Variants in LOC128462377 observed in about 807,000 individuals in gnomAD.
the LOC128462377 span, among the ~76,000 whole-genome samples, chr16:89,402,807 C>A: frequency 1.6e-5 from 1 of 62,892 alleles, no homozygotes; most frequent in African/African-American, 6.8e-5. Context: ...GGGGGTTCTG[C>A]GGAATGAGGT....
At chr16:89,398,097 A>G in the LOC128462377 span, among the ~76,000 whole-genome samples, 1,874 of 150,126 alleles carry the variant, frequency 0.012, 47 homozygotes, top group African/African-American at 0.045. Context: ...GATTACCTGT[A>G]ACCTCAGCGC....
the LOC128462377 span, among the ~76,000 whole-genome samples, chr16:89,386,488 C>G: frequency 1.3e-5 from 2 of 152,154 alleles, no homozygotes; most frequent in African/African-American, 4.8e-5. Context: ...GAGGATAGAA[C>G]CCGGCACACA....
chr16:89,407,852 C>CA, the LOC128462377 span, among the ~76,000 whole-genome samples: 1,895 of 111,298 alleles, frequency 0.017, 30 homozygotes, highest in South Asian at 0.04. Flanking sequence ...TGTCTCCCTC[C>CA]AAAAAAAAAA....
the LOC128462377 span, among the ~76,000 whole-genome samples, chr16:89,345,937 G>A: frequency 2.0e-5 from 3 of 152,140 alleles, no homozygotes; most frequent in South Asian, 2.1e-4. Flanking sequence ...AAGCCTCTGA[G>A]TAAAGAACAA....
At chr16:89,398,734 A>G in the LOC128462377 span, among the ~76,000 whole-genome samples, 1 of 151,710 alleles carries the variant, frequency 6.6e-6, no homozygotes, top group African/African-American at 2.4e-5. Context: ...ACAGAGAGAG[A>G]TTGTGTGTCC....
chr16:89,340,438 C>T, the LOC128462377 span, among the ~76,000 whole-genome samples: 42 of 152,284 alleles, frequency 2.8e-4, no homozygotes, highest in Non-Finnish European at 5.0e-4. Flanking sequence ...CCATGCCTGG[C>T]TAGTTTTTGT....
chr16:89,324,154 A>C, the LOC128462377 span: 2 of 1,026,982 alleles, frequency 1.9e-6, no homozygotes, highest in South Asian at 3.3e-5. Flanking sequence ...CCCTGTTTCC[A>C]CTCACATTTT....
At chr16:89,398,204 C>A in the LOC128462377 span, among the ~76,000 whole-genome samples, 1,020 of 79,740 alleles carry the variant, frequency 0.013, no homozygotes, top group African/African-American at 0.051. Context: ...TGTGAAACAG[C>A]TGAAGATTAC....
the LOC128462377 span, among the ~76,000 whole-genome samples, chr16:89,326,783 A>G: frequency 6.6e-6 from 1 of 152,164 alleles, no homozygotes; most frequent in Non-Finnish European, 1.5e-5. Flanking sequence ...CAACCGGGGC[A>G]TGAAAAAGTG....
the LOC128462377 span, among the ~76,000 whole-genome samples, chr16:89,401,162 C>T: frequency 4.6e-5 from 6 of 130,278 alleles, no homozygotes; most frequent in East Asian, 8.1e-4. Context: ...GGTGTGATCT[C>T]GACTCATTGC....
At chr16:89,368,882 G>A in the LOC128462377 span, among the ~76,000 whole-genome samples, 1 of 152,130 alleles carries the variant, frequency 6.6e-6, no homozygotes, top group African/African-American at 2.4e-5. Flanking sequence ...TCTAGGGGAG[G>A]AGAAAGACTC....
the LOC128462377 span, among the ~76,000 whole-genome samples, chr16:89,389,150 C>A: frequency 6.6e-6 from 1 of 151,930 alleles, no homozygotes; most frequent in African/African-American, 2.4e-5. Flanking sequence ...TTCTGAGTGG[C>A]TGGGATGACA....
chr16:89,338,402 C>T, the LOC128462377 span, among the ~76,000 whole-genome samples: 68 of 148,596 alleles, frequency 4.6e-4, no homozygotes, highest in Admixed American at 1.4e-3. Flanking sequence ...AGTGGAAATC[C>T]TGTACTTAAC....
chr16:89,385,553 C>T, the LOC128462377 span, among the ~76,000 whole-genome samples: 128 of 152,224 alleles, frequency 8.4e-4, no homozygotes, highest in African/African-American at 2.9e-3. Context: ...TCAAGCTGCT[C>T]CCTACCAATT....
At chr16:89,396,963 T>TA in the LOC128462377 span, among the ~76,000 whole-genome samples, 1 of 150,556 alleles carries the variant, frequency 6.6e-6, no homozygotes, top group Non-Finnish European at 1.5e-5. Flanking sequence ...CTGGTGGGAT[T>TA]ATAGGCATGA....
At chr16:89,369,861 G>T in the LOC128462377 span, among the ~76,000 whole-genome samples, 1 of 152,198 alleles carries the variant, frequency 6.6e-6, no homozygotes, top group Non-Finnish European at 1.5e-5. Context: ...ATGTGTACAA[G>T]GGACTGCTCC....
At chr16:89,351,109 G>A in the LOC128462377 span, among the ~76,000 whole-genome samples, 1 of 152,206 alleles carries the variant, frequency 6.6e-6, no homozygotes. Context: ...CCTCAAAGAA[G>A]CTCTCAGAGA....
At chr16:89,372,190 G>A in the LOC128462377 span, among the ~76,000 whole-genome samples, 46 of 152,342 alleles carry the variant, frequency 3.0e-4, 1 homozygote, top group African/African-American at 9.6e-4. Flanking sequence ...GAAAAGCAGC[G>A]GCAGCGCACG....
chr16:89,403,277 A>C, the LOC128462377 span, among the ~76,000 whole-genome samples: 2 of 152,180 alleles, frequency 1.3e-5, no homozygotes, highest in African/African-American at 4.8e-5. Flanking sequence ...CCAGCCACGC[A>C]CATGTTGTGA....
Sources: gnomAD v4.1 joint callset for allele counts (sites outside exome capture counted in the v4.1 genomes callset) on GRCh38, gnomAD v4.1.1 for gene constraint, MANE v1.5 for transcripts.